Variants in FREM1 observed in about 807,000 individuals in gnomAD.
FREM1 encodes the protein FRAS1-related extracellular matrix protein 1.
Under a neutral mutation model 210.1 loss-of-function variants are expected in FREM1, and 220 were observed. The observed-to-expected ratio is 1.05, with a 90% CI of 0.94 to 1.17. The LOEUF (loss-of-function observed/expected upper bound fraction) is 1.17. Ranked by LOEUF, FREM1 falls within the 50% of genes most tolerant of loss-of-function variation. FREM1 has a pLI of 0.00. For missense variants in FREM1, 3,454 were observed against 2,675.5 expected (o/e 1.29, Z -6.42); for synonymous variants, 1,189 against 980.2 (o/e 1.21, Z -3.98).
At chr9:14,769,614 A>G (rs1355619601) in intron 27 of FREM1, 110 bp downstream of exon 27, 1 of 1,146,762 alleles carries the variant, frequency 8.7e-7, no homozygotes, top group African/African-American at 1.6e-5. Context: ...GAAATGGTCT[A>G]TTAATTTATC....
Position 14,903,990 on chromosome 9 carries a change from C to T in FREM1, c.-268+5924G>A, listed in dbSNP as rs1331277561. 2.6e-5 allele frequency among the ~76,000 whole-genome samples: 4 copies of T among 151,790 alleles called. No homozygotes were observed. In the East Asian group the frequency reaches 5.8e-4, roughly 22 times the overall value. On this transcript the variant is annotated intron_variant, in intron 1 of 36. Coordinates refer to ENST00000380880, the MANE Select transcript of FREM1 (RefSeq NM_001379081.2). Reference sequence around the variant, plus strand: ...CAAAAAAATTAGCTGGGCGTGGTGGCAGGCGCCTGTAGTCCCAGCTGCTTG... The same window carrying T: ...CAAAAAAATTAGCTGGGCGTGGTGGTAGGCGCCTGTAGTCCCAGCTGCTTG...
At chr9:14,852,149 G>T (rs1827866824) in intron 5 of FREM1, among the ~76,000 whole-genome samples, 1 of 152,192 alleles carries the variant, frequency 6.6e-6, no homozygotes, top group South Asian at 2.1e-4. Context: ...GGGGGCAGGA[G>T]AAGGATGAAG....
chr9:14,824,635 A>C (rs931052721), intron 11 of FREM1, among the ~76,000 whole-genome samples, 161 bp downstream of exon 11: 1 of 152,192 alleles, frequency 6.6e-6, no homozygotes, highest in Admixed American at 6.5e-5. Flanking sequence ...GGAGATAGGA[A>C]GTTGTTTGAG....
At chr9:14,754,739 C>A (rs1843985918) in intron 29 of FREM1, among the ~76,000 whole-genome samples, 1 of 152,030 alleles carries the variant, frequency 6.6e-6, no homozygotes, top group Admixed American at 6.5e-5. Flanking sequence ...TGAGACCAGT[C>A]TGGCCAATAA....
chr9:14,740,980 A>T (rs977444183), intron 35 of FREM1, among the ~76,000 whole-genome samples: 20 of 152,196 alleles, frequency 1.3e-4, no homozygotes, highest in Admixed American at 2.6e-4. Context: ...TTTCTTCTTT[A>T]AAAATAAAAA....
intron 23 of FREM1, among the ~76,000 whole-genome samples, chr9:14,785,506 T>C (rs183553022): frequency 2.0e-5 from 3 of 152,210 alleles, no homozygotes; most frequent in Non-Finnish European, 2.9e-5. Flanking sequence ...ATCAGGATTA[T>C]TCACAATAGC....
At chr9:14,884,917 T>A (rs1835503169) in intron 1 of FREM1, among the ~76,000 whole-genome samples, 1 of 114,776 alleles carries the variant, frequency 8.7e-6, no homozygotes, top group Non-Finnish European at 1.7e-5. Context: ...CATCATAGCT[T>A]TTTTTTTTTT....
chr9:14,781,051 T>G (rs910935410), intron 24 of FREM1, among the ~76,000 whole-genome samples: 7 of 152,110 alleles, frequency 4.6e-5, no homozygotes, highest in African/African-American at 1.7e-4. Context: ...CTCCACAAAT[T>G]TTTGGTACAA....
In FREM1 at chr9:14,775,770, C is replaced by T. The variant is rs1186238428; in HGVS notation, c.4857+19G>A. The T allele has an allele frequency of 8.1e-7, 1 of 1,230,832 alleles. No homozygotes were observed. The highest frequency in any genetic ancestry group is 1.2e-6 in the Non-Finnish European group (1 of 857,624). The allele number at this position is 1,230,832 out of a possible 1,614,324, so 76.2% of individuals were successfully genotyped here. ...TGTTTTCACATCTCTGGCAAATGAACTGTGTTTTTCATACTTGCCTGAATG... is the reference window on the plus strand; with the variant it reads ...TGTTTTCACATCTCTGGCAAATGAATTGTGTTTTTCATACTTGCCTGAATG... On this transcript the variant is annotated intron_variant, in intron 25 of 36. Coordinates refer to ENST00000380880, the MANE Select transcript of FREM1 (RefSeq NM_001379081.2).
Position 14,806,646 on chromosome 9 carries a change from G to A in FREM1, c.3274+15C>T, listed in dbSNP as rs140230403. On this transcript the variant is annotated intron_variant, in intron 18 of 36. Transcript: ENST00000380880. ...AAGGAAGGGAGTCATTGCTGGTGACGAAGCTACAGCTTACCTATACTTATG... is the reference window on the plus strand; with the variant it reads ...AAGGAAGGGAGTCATTGCTGGTGACAAAGCTACAGCTTACCTATACTTATG... The A allele has an allele frequency of 1.3e-4, 188 of 1,469,888 alleles. 2 individuals carry two copies. The Middle Eastern group carries it at 5.0e-3, about 39-fold the overall frequency. 91.1% of individuals were successfully genotyped at this position (1,469,888 alleles called of 1,614,324 possible).
intron 36 of FREM1, among the ~76,000 whole-genome samples, chr9:14,739,169 T>A (rs895960223): frequency 3.3e-5 from 5 of 151,660 alleles, no homozygotes; most frequent in African/African-American, 4.8e-5. Flanking sequence ...AGTGGCACAA[T>A]CACGGCTCAC....
chr9:14,877,440 G>GT (rs77894511), intron 1 of FREM1, among the ~76,000 whole-genome samples: 33,038 of 145,498 alleles, frequency 0.23, 5,721 homozygotes, highest in East Asian at 0.58. Flanking sequence ...AAATCTTGTT[G>GT]TTTCTTTATG....
intron 1 of FREM1, among the ~76,000 whole-genome samples, chr9:14,874,835 C>T (rs1313345878): frequency 6.6e-6 from 1 of 152,082 alleles, no homozygotes; most frequent in African/African-American, 2.4e-5. Context: ...TTAGTGCTTC[C>T]TTCAGGAGCT....
chr9:14,746,844 A>G (rs1407962616), intron 34 of FREM1, 79 bp downstream of exon 34: 1 of 1,482,590 alleles, frequency 6.7e-7, no homozygotes, highest in Non-Finnish European at 9.1e-7. Flanking sequence ...TGAGTCATGC[A>G]CCAGATGGTT....
Position 14,815,160 on chromosome 9 carries a change from A to G in FREM1, c.2640+1618T>C, listed in dbSNP as rs540191270. ...AGGTGCACAGGAACTACTGGCCAGTATGATCATTATAATCACCTAGTGATG... is the reference window on the plus strand; with the variant it reads ...AGGTGCACAGGAACTACTGGCCAGTGTGATCATTATAATCACCTAGTGATG... On this transcript the variant is annotated intron_variant, in intron 15 of 36. Transcript: ENST00000380880. Among the ~76,000 whole-genome samples, 5 of 152,322 alleles carry G rather than the reference A, an allele frequency of 3.3e-5. No individual in the cohort carries two copies. The South Asian group carries it at 6.2e-4, about 19-fold the overall frequency.
chr9:14,850,507 C>G (rs1364582956), intron 6 of FREM1: 1 of 152,148 alleles, frequency 6.6e-6, no homozygotes, highest in African/African-American at 2.4e-5. Context: ...AAGGATGACA[C>G]ACAAATTCGG....
Position 14,816,815 on chromosome 9 carries a change from T to C in FREM1, c.2603A>G (p.Asp868Gly). The part of the protein sequence containing the change: ...LQDDLLLEVT[D>G]GTNSAEFVLH... ...TACAAATTCTGCTGAATTTGTGCCA[T>C]CGGTGACCTCCAAGAGTAGGTCATC... Residue 868 changes from aspartate (D) to glycine (G), a missense_variant, in exon 15 of 37, where the codon GAT becomes GGT. Physicochemically the swap from Asp to Gly is moderately conservative, Grantham distance 94. Transcript: ENST00000380880. 1 of 1,443,618 alleles carries C rather than the reference T, an allele frequency of 6.9e-7. No individual in the cohort carries two copies. Among genetic ancestry groups the C allele is most frequent in the East Asian group, 2.4e-5 (1 of 41,674 alleles). 89.4% of individuals were successfully genotyped at this position (1,443,618 alleles called of 1,614,324 possible).
chr9:14,854,876 G>A (rs564101091), intron 5 of FREM1, among the ~76,000 whole-genome samples: 2 of 151,984 alleles, frequency 1.3e-5, no homozygotes, highest in African/African-American at 4.8e-5. Flanking sequence ...CTTACATGAA[G>A]GAAACTACGA....
At chr9:14,866,748 A>T (rs934274907) in intron 2 of FREM1, among the ~76,000 whole-genome samples, 23 of 152,280 alleles carry the variant, frequency 1.5e-4, no homozygotes, top group African/African-American at 5.5e-4. Flanking sequence ...CAGTCTTTAT[A>T]AGACACCCAT....
Sources: gnomAD v4.1 joint callset for allele counts (sites outside exome capture counted in the v4.1 genomes callset) on GRCh38, gnomAD v4.1.1 for gene constraint, MANE v1.5 for transcripts, NCBI Gene and HGNC (gene_info 2026-07-23, HGNC 2026-07-21) for gene names.